Variants in SLC12A5 observed in about 807,000 individuals in gnomAD.
SLC12A5 encodes the protein K-Cl cotransporter 2.
In SLC12A5, 18 loss-of-function variants were observed where a neutral mutation model predicts 124.0. The observed-to-expected ratio is 0.15, with a 90% CI of 0.10 to 0.22. The LOEUF (loss-of-function observed/expected upper bound fraction) is 0.22. Among genes scored for constraint, SLC12A5 ranks in the 10% least tolerant of loss-of-function variants. SLC12A5 has a pLI of 1.00. For missense variants in SLC12A5, 867 were observed against 1,478.7 expected (o/e 0.59, Z 6.78); for synonymous variants, 589 against 568.0 (o/e 1.04, Z -0.53).
At position 46,057,224 on chromosome 20, in the gene SLC12A5, C is replaced by T; in HGVS notation, c.3180C>T (p.Ile1060=). 5.6e-6 allele frequency: 9 copies of T among 1,614,206 alleles called. No homozygotes were observed. The highest frequency in any genetic ancestry group is 7.6e-6 in the Non-Finnish European group (9 of 1,180,038). ...MHTAVRLNEV[I]VKKSRDAKLV... ...CGGCCGTGCGGCTGAACGAGGTCATCGTGAAGAAATCCCGGGACGCCAAGC... is the reference window on the plus strand; with the variant it reads ...CGGCCGTGCGGCTGAACGAGGTCATTGTGAAGAAATCCCGGGACGCCAAGC... Residue 1060 remains isoleucine, a synonymous_variant, in exon 25 of 26, where the codon ATC becomes ATT. Transcript: ENST00000243964. The surrounding 1 kb of genome is among the most constrained non-coding windows in gnomAD (Gnocchi z 7.1).
intron 3 of SLC12A5, 50 bp downstream of exon 3, chr20:46,035,585 T>C (rs766137548): frequency 3.2e-5 from 10 of 309,176 alleles, no homozygotes; most frequent in Non-Finnish European, 5.4e-5. Flanking sequence ...GGATGGGGGG[T>C]GGGGGAGGAT....
At chr20:46,028,009 G>A (rs967975484), upstream of SLC12A5, among the ~76,000 whole-genome samples, 6 of 152,130 alleles carry the variant, frequency 3.9e-5, no homozygotes, top group African/African-American at 1.4e-4. Context: ...ACCCTCAGAT[G>A]TTTAGATCTT....
exon 3 of SLC12A5, chr20:46,023,547 C>G (rs1568853075): frequency 5.0e-6 from 2 of 398,362 alleles, no homozygotes; most frequent in Non-Finnish European, 8.8e-6. Flanking sequence ...CACAGAAGCC[C>G]CCCATCACTT....
At chr20:46,040,819 T>G (rs1259581915) in intron 7 of SLC12A5, 1 of 736,660 alleles carries the variant, frequency 1.4e-6, no homozygotes, top group African/African-American at 1.8e-5. Context: ...AGGGAACAAT[T>G]TACCTTGTAA....
intron 14 of SLC12A5, among the ~76,000 whole-genome samples, chr20:46,046,743 ACT>A (rs749777926): frequency 1.3e-5 from 2 of 152,080 alleles, no homozygotes; most frequent in East Asian, 3.9e-4. Flanking sequence ...TCAAATCATG[ACT>A]CTGCACTTCC....
chr20:46,049,505 G>A, intron 16 of SLC12A5, 117 bp from the exon 17 acceptor site: 3 of 1,306,472 alleles, frequency 2.3e-6, no homozygotes, highest in South Asian at 1.4e-5. Context: ...AGGGGTATAG[G>A]TGGATGGGAC....
rs570010235 is a variant in SLC12A5 at position 46,058,653 on chromosome 20, C to A, written c.*1048C>A. Reference sequence around the variant, plus strand: ...CCTCAGTCGGCTTGTCGCCTGCTCCCCGTATCCCATGGCTCCTCGCCAAAG... The same window carrying A: ...CCTCAGTCGGCTTGTCGCCTGCTCCACGTATCCCATGGCTCCTCGCCAAAG... On this transcript the variant is annotated 3_prime_UTR_variant, in exon 26 of 26. Transcript: ENST00000243964. The surrounding 1 kb of genome is among the most constrained non-coding windows in gnomAD (Gnocchi z 5.8). The A allele has an allele frequency of 2.5e-6, 1 of 399,048 alleles. No homozygotes were observed. The highest frequency in any genetic ancestry group is 4.4e-6 in the Non-Finnish European group (1 of 226,072). 24.7% of individuals were successfully genotyped at this position (399,048 alleles called of 1,614,324 possible).
intron 9 of SLC12A5, 34 bp downstream of exon 9, chr20:46,043,357 T>C: frequency 6.2e-7 from 1 of 1,601,590 alleles, no homozygotes; most frequent in Non-Finnish European, 8.5e-7. Flanking sequence ...AGACTCTGCC[T>C]GTGAGTGGAT....
chr20:46,052,972 C>T lies in SLC12A5; in HGVS notation c.2393C>T (p.Thr798Ile), dbSNP rs2084658842. The T allele has an allele frequency of 1.2e-6, 2 of 1,612,018 alleles. No homozygotes were observed. The highest frequency in any genetic ancestry group is 1.7e-6 in the Non-Finnish European group (2 of 1,178,280). Residue 798 changes from threonine (T) to isoleucine (I), a missense_variant, in exon 19 of 26, where the codon ACC (threonine) becomes ATC (isoleucine). Coordinates refer to ENST00000243964, the MANE Select transcript of SLC12A5 (RefSeq NM_020708.5). ...WRNFIELVRETTAGHLALLVT... is the reference protein window; with the variant it reads ...WRNFIELVREITAGHLALLVT... ...CCTCCCTCAGAGCTGGTCCGGGAAA[C>T]CACAGCTGGCCACTTAGCCCTGCTG...
chr20:46,036,149 A>G (rs1055799815), intron 4 of SLC12A5: 1 of 485,804 alleles, frequency 2.1e-6, no homozygotes, highest in Non-Finnish European at 3.6e-6. Flanking sequence ...GTGTAATTAC[A>G]CAAGTGATGC....
chr20:46,055,846 A>T (rs2084685370), intron 21 of SLC12A5: 1 of 346,670 alleles, frequency 2.9e-6, no homozygotes, highest in South Asian at 3.7e-5. Context: ...AAAAATGGTA[A>T]AACATGGCAT....
chr20:46,055,235 A>ACTT lies in SLC12A5; in HGVS notation c.2787+213_2787+215dup, dbSNP rs143799478. Among the ~76,000 whole-genome samples, 726 of 152,266 alleles carry ACTT rather than the reference A, an allele frequency of 4.8e-3. 10 individuals are homozygous for ACTT. Among genetic ancestry groups the ACTT allele is most frequent in the African/African-American group, 0.017 (688 of 41,558 alleles). ...AACCTCCCAGCCAGGAGGCAGAGGGACTTTGGTATGGGTGACAGATCTTCT... is the reference window on the plus strand; with the variant it reads ...AACCTCCCAGCCAGGAGGCAGAGGGACTTCTTTGGTATGGGTGACAGATCTTCT... On this transcript the variant is annotated intron_variant, in intron 21 of 25. Transcript: ENST00000243964.
At chr20:46,037,642 G>A (rs2084510462) in intron 6 of SLC12A5, among the ~76,000 whole-genome samples, 1 of 152,184 alleles carries the variant, frequency 6.6e-6, no homozygotes, top group South Asian at 2.1e-4. Context: ...GTGCTTTCCA[G>A]CCATTCTCTT....
rs559653865 is a variant in SLC12A5, at chr20:46,058,266, T to G, written c.*661T>G. On this transcript the variant is annotated 3_prime_UTR_variant, in exon 26 of 26. Coordinates refer to ENST00000243964, the MANE Select transcript of SLC12A5 (RefSeq NM_020708.5). The surrounding 1 kb of genome is among the most constrained non-coding windows in gnomAD (Gnocchi z 5.8). The stretch of plus-strand genomic sequence containing the variant: ...TCGGGAAGCTGAATTTTCCTTGACG[T>G]CCAAGAGTTTGAGAGCGAAAGTGCT... 2.5e-6 allele frequency: 1 copy of G among 393,216 alleles called. No homozygotes were observed. Among genetic ancestry groups the G allele is most frequent in the Non-Finnish European group, 4.5e-6 (1 of 222,946 alleles). 24.4% of individuals were successfully genotyped at this position (393,216 alleles called of 1,614,324 possible). A position where few individuals can be genotyped will look rare whatever the true frequency, so the allele number is the denominator to read the frequency against.
intron 4 of SLC12A5, 185 bp from the exon 5 acceptor site, chr20:46,036,556 G>A: frequency 5.6e-6 from 3 of 539,942 alleles, no homozygotes; most frequent in Admixed American, 2.9e-5. Flanking sequence ...CGTTCGCATG[G>A]TGAATAAGGT....
chr20:46,054,589 G>T (rs955335053), intron 20 of SLC12A5, among the ~76,000 whole-genome samples: 2 of 152,042 alleles, frequency 1.3e-5, no homozygotes, highest in Admixed American at 6.5e-5. Flanking sequence ...TTCATTCATC[G>T]CTTTGTTCTT....
chr20:46,042,583 C>T (rs1397739614), intron 8 of SLC12A5, among the ~76,000 whole-genome samples: 1 of 152,246 alleles, frequency 6.6e-6, no homozygotes, highest in East Asian at 1.9e-4. Context: ...TGCTGCTAAA[C>T]ATCCTACAAT....
chr20:46,047,891 T>G (rs1173242318), intron 15 of SLC12A5, 90 bp from the exon 16 acceptor site: 3 of 1,249,294 alleles, frequency 2.4e-6, no homozygotes, highest in Non-Finnish European at 3.4e-6. Flanking sequence ...GAGAGATGGC[T>G]CTGCCCTGGG....
intron 21 of SLC12A5, 61 bp downstream of exon 21, chr20:46,055,084 T>C: frequency 7.9e-7 from 1 of 1,258,874 alleles, no homozygotes; most frequent in South Asian, 1.2e-5. Context: ...GGGTGGCAGG[T>C]TTAGGATGCC....
Sources: gnomAD v4.1 joint callset for allele counts (sites outside exome capture counted in the v4.1 genomes callset) on GRCh38, gnomAD v4.1.1 for gene constraint, Gnocchi (gnomAD v3.1) non-coding constraint, MANE v1.5 for transcripts, NCBI Gene and HGNC (gene_info 2026-07-23, HGNC 2026-07-21) for gene names.